The following UNC5A variants were observed in gnomAD, a reference collection of about 807,000 sequenced individuals.
The protein encoded by UNC5A is netrin receptor UNC5A.
A neutral mutation model predicts 87.4 loss-of-function variants in UNC5A; 20 were observed. The observed-to-expected ratio is 0.23, with a 90% CI of 0.16 to 0.33. The LOEUF (loss-of-function observed/expected upper bound fraction) is 0.33. Among genes scored for constraint, UNC5A ranks in the 10% least tolerant of loss-of-function variants. UNC5A has a pLI of 1.00. For missense variants in UNC5A, 844 were observed against 1,133.4 expected, an observed-to-expected ratio of 0.74 and a Z score of 3.67; for synonymous variants, 438 against 482.3, an observed-to-expected ratio of 0.91 and a Z score of 1.20.
chr5:176,811,818 G>A (rs1241935180), intron 1 of UNC5A, among the ~76,000 whole-genome samples: 1 of 152,052 alleles, frequency 6.6e-6, no homozygotes, highest in Non-Finnish European at 1.5e-5. Context: ...GCTGCCCCTA[G>A]AACCTGGGCG....
intron 1 of UNC5A, among the ~76,000 whole-genome samples, chr5:176,858,748 A>AAGGT (rs1757731457): frequency 8.0e-6 from 1 of 124,256 alleles, no homozygotes; most frequent in Non-Finnish European, 1.7e-5. Flanking sequence ...GGAAGGAAGG[A>AAGGT]AGGAAGGAAG....
At position 176,879,450 on chromosome 5, in the gene UNC5A, C is replaced by T. The variant is rs748868293; in HGVS notation, c.2325C>T (p.Ala775=). Residue 775 remains alanine, a synonymous_variant, in exon 14 of 15, where the codon GCC becomes GCT. Coordinates refer to ENST00000329542, the MANE Select transcript of UNC5A (RefSeq NM_133369.3). The part of the protein sequence containing the change: ...SSLDPPCRRG[A]DWRTLAQKLH... ...TGGACCCACCCTGTAGGCGGGGTGC[C>T]GACTGGCGGACTCTGGCCCAGAAAC... The T allele has an allele frequency of 1.6e-5, 26 of 1,611,474 alleles. No individual in the cohort carries two copies. The highest frequency in any genetic ancestry group is 4.5e-5 in the East Asian group (2 of 44,860).
At chr5:176,859,120 T>C (rs1757756604) in intron 1 of UNC5A, among the ~76,000 whole-genome samples, 3 of 117,182 alleles carry the variant, frequency 2.6e-5, no homozygotes, top group African/African-American at 1.1e-4. Flanking sequence ...CTAGAGGGCA[T>C]GGCTGCTAGA....
intron 1 of UNC5A, among the ~76,000 whole-genome samples, chr5:176,837,243 T>A (rs1757169137): frequency 6.6e-6 from 1 of 152,172 alleles, no homozygotes. Flanking sequence ...TGCCATCTCA[T>A]CTGCCATCAC....
intron 1 of UNC5A, among the ~76,000 whole-genome samples, chr5:176,835,158 A>G (rs961539291): frequency 9.2e-5 from 14 of 152,274 alleles, no homozygotes; most frequent in African/African-American, 3.1e-4. Context: ...CTCACATCCC[A>G]TCAGCCTGGG....
At position 176,848,060 on chromosome 5, in the gene UNC5A, G is replaced by A. The variant is rs1212365063; in HGVS notation, c.71-14564G>A. ...CCTGGGGGGGCAAGAGGAAGAGGAG[G>A]CATCCAGCAGCCCCTCCAGGCCCCT... On this transcript the variant is annotated intron_variant, in intron 1 of 14. Coordinates refer to ENST00000329542, the MANE Select transcript of UNC5A (RefSeq NM_133369.3). The surrounding 1 kb of genome is among the most constrained non-coding windows in gnomAD (Gnocchi z 5.8). 2.0e-5 allele frequency among the ~76,000 whole-genome samples: 3 copies of A among 151,962 alleles called. No homozygotes were observed. Among genetic ancestry groups the A allele is most frequent in the Non-Finnish European group, 4.4e-5 (3 of 67,982 alleles).
At position 176,877,180 on chromosome 5, in the gene UNC5A, C is replaced by T. The variant is rs1169474377; in HGVS notation, c.1379-12C>T. 6.2e-7 allele frequency: 1 copy of T among 1,606,134 alleles called. No homozygotes were observed. Among genetic ancestry groups the T allele is most frequent in the Non-Finnish European group, 8.5e-7 (1 of 1,173,978 alleles). On this transcript the variant is annotated splice_polypyrimidine_tract_variant and intron_variant, in intron 8 of 14. Coordinates refer to ENST00000329542, the MANE Select transcript of UNC5A (RefSeq NM_133369.3). ...CAGTGGGTAAGCCCTGGCCCTCTTC[C>T]TGCCGTTCCAGGAATCAGCCTCCTC...
intron 1 of UNC5A, among the ~76,000 whole-genome samples, chr5:176,849,969 G>C (rs1234189693): frequency 6.6e-6 from 1 of 152,246 alleles, no homozygotes; most frequent in Non-Finnish European, 1.5e-5. Context: ...GCTGGACACT[G>C]CTGAGAAGAG....
chr5:176,830,916 G>A (rs1459503163), intron 1 of UNC5A, among the ~76,000 whole-genome samples: 11 of 134,618 alleles, frequency 8.2e-5, no homozygotes, highest in Non-Finnish European at 1.3e-4. Flanking sequence ...ATGTGCCGGC[G>A]TGTGTGTGGG....
intron 6 of UNC5A, 54 bp downstream of exon 6, chr5:176,870,588 C>A: frequency 3.3e-6 from 5 of 1,527,718 alleles, no homozygotes; most frequent in Non-Finnish European, 4.4e-6. Context: ...TGGCCTTGCC[C>A]AGCCCTGGGG....
intron 1 of UNC5A, among the ~76,000 whole-genome samples, chr5:176,825,595 A>G (rs1209421193): frequency 6.6e-6 from 1 of 152,102 alleles, no homozygotes; most frequent in East Asian, 1.9e-4. Context: ...AACTTGGGAA[A>G]GGGGGGCGAG....
intron 1 of UNC5A, among the ~76,000 whole-genome samples, chr5:176,818,422 AGAG>A (rs1369020925): frequency 6.6e-6 from 1 of 152,230 alleles, no homozygotes; most frequent in Non-Finnish European, 1.5e-5. Context: ...TGTGGCGGGA[AGAG>A]GAGGAGCCCC....
chr5:176,815,339 C>T (rs765924544), intron 1 of UNC5A, among the ~76,000 whole-genome samples: 17 of 152,174 alleles, frequency 1.1e-4, no homozygotes, highest in African/African-American at 3.4e-4. Context: ...CTTGTCTGCT[C>T]CTGTGGGAGT....
At position 176,830,817 on chromosome 5, in the gene UNC5A, T is replaced by C. The variant is rs1202351294; in HGVS notation, c.70+19997T>C. Reference sequence around the variant, plus strand: ...GCTGGCATGTGTGTGTGCGTGTGTGTGCGCTGGCATGTATGTGCTGGCATG... The same window carrying C: ...GCTGGCATGTGTGTGTGCGTGTGTGCGCGCTGGCATGTATGTGCTGGCATG... On this transcript the variant is annotated intron_variant, in intron 1 of 14. Transcript: ENST00000329542. Among the ~76,000 whole-genome samples, 4 of 148,632 alleles carry C rather than the reference T, an allele frequency of 2.7e-5. No homozygotes were observed. The South Asian group carries it at 6.5e-4, about 24-fold the overall frequency.
At position 176,875,801 on chromosome 5, in the gene UNC5A, C is replaced by T. The variant is rs960826930; in HGVS notation, c.1378+1235C>T. Among the ~76,000 whole-genome samples the T allele has an allele frequency of 6.6e-6, 1 of 152,168 alleles. No individual in the cohort carries two copies. Among genetic ancestry groups the T allele is most frequent in the African/African-American group, 2.4e-5 (1 of 41,440 alleles). On this transcript the variant is annotated intron_variant, in intron 8 of 14. Coordinates refer to ENST00000329542, the MANE Select transcript of UNC5A (RefSeq NM_133369.3). The surrounding 1 kb of genome is among the most constrained non-coding windows in gnomAD (Gnocchi z 5.2). ...AACATCCCCGACACACGGTGCTGCC[C>T]TCTGCATGCACCGACCCCCTGCCCC...
intron 1 of UNC5A, among the ~76,000 whole-genome samples, chr5:176,818,345 C>A (rs542805432): frequency 6.6e-6 from 1 of 152,350 alleles, no homozygotes; most frequent in Admixed American, 6.5e-5. Flanking sequence ...CTGTCCTCTG[C>A]AGGCTGGGGC....
At chr5:176,851,548 T>C (rs868361704) in intron 1 of UNC5A, among the ~76,000 whole-genome samples, 5 of 152,204 alleles carry the variant, frequency 3.3e-5, no homozygotes, top group Non-Finnish European at 4.4e-5. Flanking sequence ...GACGGGGCCA[T>C]AAATGGTGTA....
intron 1 of UNC5A, among the ~76,000 whole-genome samples, chr5:176,850,607 A>T (rs1757519648): frequency 6.6e-6 from 1 of 152,114 alleles, no homozygotes; most frequent in Non-Finnish European, 1.5e-5. Context: ...GGGGCCACAG[A>T]AGCGGGGCCT....
At chr5:176,813,137 C>T (rs969315609) in intron 1 of UNC5A, among the ~76,000 whole-genome samples, 8 of 152,308 alleles carry the variant, frequency 5.3e-5, no homozygotes, top group South Asian at 4.1e-4. Flanking sequence ...TCTGTGCCCG[C>T]GCACGCAAGC....
Sources: allele counts gnomAD v4.1 joint callset (sites outside exome capture counted in the v4.1 genomes callset), GRCh38; gene constraint gnomAD v4.1.1; non-coding constraint Gnocchi (gnomAD v3.1); transcripts MANE v1.5; gene names NCBI Gene and HGNC (gene_info 2026-07-23, HGNC 2026-07-21).